The following SORCS3 variants were observed in gnomAD, a reference collection of about 807,000 sequenced individuals.
SORCS3 encodes the protein VPS10 domain-containing receptor SorCS3.
Under a neutral mutation model 146.3 loss-of-function variants are expected in SORCS3, and 57 were observed. The ratio of observed to expected loss-of-function variants is 0.39; its 90% confidence interval spans 0.31 to 0.49. The LOEUF (loss-of-function observed/expected upper bound fraction) is 0.49, where lower values mean the gene tolerates loss of function less well. SORCS3 is among the 20% of genes least tolerant of loss of function. The probability of loss-of-function intolerance (pLI) is 0.92; values close to 1 mark genes in which losing one functional copy is unlikely to be tolerated. For missense variants in SORCS3, 1,341 were observed against 1,575.5 expected (o/e 0.85, Z 2.52); for synonymous variants, 653 against 618.5 (o/e 1.06, Z -0.83).
chr10:104,921,416 A>G (rs2019085075), intron 3 of SORCS3, among the ~76,000 whole-genome samples: 2 of 151,978 alleles, frequency 1.3e-5, no homozygotes. Flanking sequence ...GTGCATTGGA[A>G]ATGGCAGAGA....
chr10:104,975,715 A>G (rs1293686082), intron 3 of SORCS3, among the ~76,000 whole-genome samples: 5 of 152,212 alleles, frequency 3.3e-5, no homozygotes, highest in South Asian at 2.1e-4. Flanking sequence ...AAACAGAGAT[A>G]TAGATCAATG....
At chr10:104,760,978 A>G (rs1445715178) in intron 1 of SORCS3, among the ~76,000 whole-genome samples, 1 of 151,658 alleles carries the variant, frequency 6.6e-6, no homozygotes, top group Non-Finnish European at 1.5e-5. Context: ...AATAATTTCC[A>G]TTTGAAATGG....
At chr10:104,642,937 C>T (rs1024193984) in intron 1 of SORCS3, among the ~76,000 whole-genome samples, 6 of 152,238 alleles carry the variant, frequency 3.9e-5, no homozygotes, top group South Asian at 2.1e-4. Flanking sequence ...TGCAGCGGCC[C>T]GCAGCGCGTG....
chr10:104,741,355 T>C (rs2016840467), intron 1 of SORCS3, among the ~76,000 whole-genome samples: 1 of 152,070 alleles, frequency 6.6e-6, no homozygotes, highest in Non-Finnish European at 1.5e-5. Flanking sequence ...GTTGTGGTCC[T>C]GGCAGGCGTA....
chr10:105,211,057 A>G, intron 16 of SORCS3, 80 bp from the exon 17 acceptor site: 2 of 875,122 alleles, frequency 2.3e-6, no homozygotes, highest in East Asian at 2.5e-5. Context: ...CAATAGGGAC[A>G]TGTATATGTT....
At chr10:105,179,657 C>T (rs1351725445) in intron 14 of SORCS3, among the ~76,000 whole-genome samples, 6 of 152,156 alleles carry the variant, frequency 3.9e-5, no homozygotes, top group Admixed American at 3.9e-4. Flanking sequence ...CAGATTTTGT[C>T]AGGACTCTTC....
chr10:104,763,794 G>C (rs1168966481), intron 1 of SORCS3, among the ~76,000 whole-genome samples: 1 of 152,104 alleles, frequency 6.6e-6, no homozygotes, highest in Non-Finnish European at 1.5e-5. Context: ...ATTGAGTCAT[G>C]GGGGTGGTTC....
intron 1 of SORCS3, among the ~76,000 whole-genome samples, chr10:104,761,850 T>A (rs191242790): frequency 4.9e-4 from 74 of 152,176 alleles, no homozygotes; most frequent in Admixed American, 2.4e-3. Flanking sequence ...AGGGTTGGGG[T>A]GGTATCTTAT....
intron 1 of SORCS3, among the ~76,000 whole-genome samples, chr10:104,832,351 T>C (rs936134993): frequency 6.6e-6 from 1 of 152,196 alleles, no homozygotes; most frequent in African/African-American, 2.4e-5. Flanking sequence ...AGTAACCCCT[T>C]CATTACCTGT....
chr10:104,682,489 T>C (rs1589456026), intron 1 of SORCS3, among the ~76,000 whole-genome samples: 2 of 152,372 alleles, frequency 1.3e-5, no homozygotes, highest in East Asian at 3.9e-4. Flanking sequence ...CTGAACCTTA[T>C]AAGTCCTCAG....
In SORCS3 at chr10:105,256,810, C is replaced by A. The variant is rs776813025; in HGVS notation, c.3338-9C>A. ...TCTGTTCTTTTCCTTATCTGTTCTT[C>A]TTTCCAAGCTCCATTGGTGGACTCC... On this transcript the variant is annotated splice_polypyrimidine_tract_variant and intron_variant, in intron 24 of 26. Coordinates refer to ENST00000369701, the MANE Select transcript of SORCS3 (RefSeq NM_014978.3). 1 of 1,609,628 alleles carries A rather than the reference C, an allele frequency of 6.2e-7. No homozygotes were observed. Among genetic ancestry groups the A allele is most frequent in the Non-Finnish European group, 8.5e-7 (1 of 1,175,944 alleles).
intron 1 of SORCS3, among the ~76,000 whole-genome samples, chr10:104,737,872 A>T (rs1391478392): frequency 6.7e-6 from 1 of 149,308 alleles, no homozygotes; most frequent in African/African-American, 2.5e-5. Context: ...CTGAATGGTA[A>T]TGCCTAGGTT....
intron 1 of SORCS3, among the ~76,000 whole-genome samples, chr10:104,816,443 A>G (rs1159663): frequency 0.17 from 25,747 of 152,136 alleles, 2,512 homozygotes; most frequent in African/African-American, 0.27. Context: ...TAGACTAACC[A>G]TTTGTTAATG....
At chr10:105,058,601 A>G (rs76196555) in intron 5 of SORCS3, among the ~76,000 whole-genome samples, 8,963 of 152,268 alleles carry the variant, frequency 0.059, 282 homozygotes, top group Middle Eastern at 0.088. Flanking sequence ...AAAACACTTC[A>G]TGGACTCTGC....
intron 14 of SORCS3, among the ~76,000 whole-genome samples, chr10:105,184,636 C>T (rs2056463972): frequency 6.6e-6 from 1 of 152,050 alleles, no homozygotes; most frequent in South Asian, 2.1e-4. Context: ...TTCCTTATTT[C>T]TTTAAAAAAG....
At position 105,011,727 on chromosome 10, in the gene SORCS3, C is replaced by G. The variant is rs142641166; in HGVS notation, c.955-31328C>G. On this transcript the variant is annotated intron_variant, in intron 4 of 26. Transcript: ENST00000369701. Reference sequence around the variant, plus strand: ...GATTGCATAGTGAGAGATGGCCTCCCCTCTTTCCAACCGTCCTTTCACGTT... The same window carrying G: ...GATTGCATAGTGAGAGATGGCCTCCGCTCTTTCCAACCGTCCTTTCACGTT... 3.4e-4 allele frequency among the ~76,000 whole-genome samples: 52 copies of G among 152,186 alleles called. 1 individual carries two copies. The highest frequency in any genetic ancestry group is 1.2e-3 in the African/African-American group (50 of 41,540).
chr10:104,824,554 G>T (rs1048946303), intron 1 of SORCS3, among the ~76,000 whole-genome samples: 4 of 152,226 alleles, frequency 2.6e-5, no homozygotes, highest in African/African-American at 9.6e-5. Context: ...TGGTGATAGG[G>T]TATTCACTTC....
At chr10:105,128,532 G>A (rs1359593309) in intron 7 of SORCS3, among the ~76,000 whole-genome samples, 1 of 152,120 alleles carries the variant, frequency 6.6e-6, no homozygotes, top group Non-Finnish European at 1.5e-5. Context: ...TTTTGAACAT[G>A]TCAATAAAAT....
chr10:104,832,651 G>T (rs980076870), intron 1 of SORCS3, among the ~76,000 whole-genome samples: 1 of 152,166 alleles, frequency 6.6e-6, no homozygotes, highest in African/African-American at 2.4e-5. Context: ...CCAGGAGGCA[G>T]AGGTTGCAGT....
Sources: allele counts gnomAD v4.1 joint callset (sites outside exome capture counted in the v4.1 genomes callset), GRCh38; gene constraint gnomAD v4.1.1; transcripts MANE v1.5; gene names NCBI Gene and HGNC (gene_info 2026-07-23, HGNC 2026-07-21).